Variants in MYT1L observed in about 807,000 individuals in gnomAD.
MYT1L encodes the protein myelin transcription factor 1-like protein.
Under a neutral mutation model 126.7 loss-of-function variants are expected in MYT1L, and 12 were observed. The ratio of observed to expected loss-of-function variants is 0.09; its 90% CI spans 0.06 to 0.15. The LOEUF is 0.15. Among genes scored for constraint, MYT1L ranks in the 10% least tolerant of loss-of-function variants. MYT1L has a pLI of 1.00. For synonymous variants in MYT1L, 541 were observed against 604.2 expected (o/e 0.90, Z 1.53); for missense variants, 979 against 1,585.2 (o/e 0.62, Z 6.49).
intron 2 of MYT1L, among the ~76,000 whole-genome samples, chr2:2,190,720 A>G (rs1407073396): frequency 6.6e-6 from 1 of 152,224 alleles, no homozygotes; most frequent in Non-Finnish European, 1.5e-5. Context: ...CATACTCAGA[A>G]TAGGTGATTG....
chr2:1,915,554 TAAAG>T (rs899682241), intron 11 of MYT1L, among the ~76,000 whole-genome samples: 2 of 152,216 alleles, frequency 1.3e-5, no homozygotes, highest in Non-Finnish European at 2.9e-5. Flanking sequence ...ATAAAACACA[TAAAG>T]AAACTCTTTC....
chr2:2,065,256 T>C (rs1380210051), intron 3 of MYT1L, among the ~76,000 whole-genome samples: 1 of 152,144 alleles, frequency 6.6e-6, no homozygotes, highest in Non-Finnish European at 1.5e-5. Flanking sequence ...CACATTATAG[T>C]AGTATAGTTA....
At chr2:2,304,719 T>C (rs577182670) in intron 1 of MYT1L, among the ~76,000 whole-genome samples, 2 of 152,336 alleles carry the variant, frequency 1.3e-5, no homozygotes, top group Admixed American at 1.3e-4. Flanking sequence ...AGAAAAACTT[T>C]ACAAAAACAG....
intron 2 of MYT1L, among the ~76,000 whole-genome samples, chr2:2,191,944 C>T (rs927693810): frequency 6.6e-6 from 1 of 152,210 alleles, no homozygotes; most frequent in African/African-American, 2.4e-5. Flanking sequence ...GTAGCAGACC[C>T]TACGTTATCC....
intron 9 of MYT1L, among the ~76,000 whole-genome samples, chr2:1,934,252 C>A (rs892243562): frequency 6.8e-6 from 1 of 146,510 alleles, no homozygotes; most frequent in Non-Finnish European, 1.5e-5. Flanking sequence ...GGATTACAGG[C>A]GTGGGCCACA....
In MYT1L at chr2:1,892,061, C is replaced by T. The variant is rs1446619441; in HGVS notation, c.2259G>A (p.Lys753=). ...CCCGCGTGGCGCACAGGTCCTGCGG[C>T]TTGGTGCTCAGGTTCTGCGGCATCT... The part of the protein sequence containing the change: ...CREMPQNLST[K]PQDLCATRNP... The change falls in exon 15 of 25, where the codon AAG becomes AAA. Residue 753 remains lysine (K), a synonymous_variant. Coordinates refer to ENST00000647738, the MANE Select transcript of MYT1L (RefSeq NM_001303052.2). The T allele has an allele frequency of 6.5e-7, 1 of 1,538,436 alleles. No individual in the cohort carries two copies. Among genetic ancestry groups the T allele is most frequent in the South Asian group, 1.2e-5 (1 of 83,962 alleles).
chr2:2,066,134 A>G (rs2071242721), intron 3 of MYT1L, among the ~76,000 whole-genome samples: 2 of 152,170 alleles, frequency 1.3e-5, no homozygotes, highest in African/African-American at 4.8e-5. Flanking sequence ...TTTAAATATC[A>G]AACACTTTTA....
chr2:2,237,433 G>C (rs140200812), intron 2 of MYT1L, among the ~76,000 whole-genome samples: 1 of 152,320 alleles, frequency 6.6e-6, no homozygotes, highest in Non-Finnish European at 1.5e-5. Flanking sequence ...CACTGTGCTG[G>C]TGGTTTGGAT....
At chr2:2,325,138 T>C (rs1035618014) in intron 1 of MYT1L, 10 of 152,346 alleles carry the variant, frequency 6.6e-5, no homozygotes, top group African/African-American at 2.4e-4. Flanking sequence ...GGTAAATTCA[T>C]GCTGTGGCCA....
At chr2:1,873,465 G>T (rs577715233) in intron 18 of MYT1L, among the ~76,000 whole-genome samples, 2 of 152,310 alleles carry the variant, frequency 1.3e-5, no homozygotes, top group African/African-American at 4.8e-5. Context: ...ACAAGTCACT[G>T]CCATGTTATT....
chr2:1,843,432 C>T (rs140811404), intron 19 of MYT1L, among the ~76,000 whole-genome samples: 1 of 152,166 alleles, frequency 6.6e-6, no homozygotes, highest in African/African-American at 2.4e-5. Context: ...CTACGGTATC[C>T]TACCCAGGGA....
At chr2:1,860,497 C>T (rs2044453181) in intron 18 of MYT1L, among the ~76,000 whole-genome samples, 1 of 152,226 alleles carries the variant, frequency 6.6e-6, no homozygotes, top group Non-Finnish European at 1.5e-5. Context: ...GGCTGGGATG[C>T]TGGGGCCTGG....
chr2:2,193,961 T>C (rs181872805), intron 2 of MYT1L, among the ~76,000 whole-genome samples: 67 of 148,864 alleles, frequency 4.5e-4, no homozygotes, highest in Admixed American at 4.0e-3. Context: ...TAATAAAAAT[T>C]ATGTTTTTGT....
intron 13 of MYT1L, among the ~76,000 whole-genome samples, chr2:1,908,654 G>T (rs941692080): frequency 6.6e-6 from 1 of 152,214 alleles, no homozygotes; most frequent in Non-Finnish European, 1.5e-5. Flanking sequence ...GCAGCCCCGC[G>T]GGTTGGTCTG....
intron 18 of MYT1L, among the ~76,000 whole-genome samples, chr2:1,861,940 TGG>T (rs2044713162): frequency 6.6e-6 from 1 of 152,114 alleles, no homozygotes; most frequent in Non-Finnish European, 1.5e-5. Flanking sequence ...TGTGTAATCC[TGG>T]ATCTGCCTGC....
intron 2 of MYT1L, among the ~76,000 whole-genome samples, chr2:2,181,095 CCTGTGTGT>C (rs2091448618): frequency 6.7e-6 from 1 of 149,718 alleles, no homozygotes; most frequent in African/African-American, 2.5e-5. Flanking sequence ...TACCTGTGTA[CCTGTGTGT>C]GAACATGTAT....
intron 4 of MYT1L, among the ~76,000 whole-genome samples, chr2:2,017,683 T>G (rs916789789): frequency 4.6e-5 from 7 of 152,214 alleles, no homozygotes; most frequent in African/African-American, 1.7e-4. Flanking sequence ...GTTGCAAAAT[T>G]ATAAGTATAA....
intron 21 of MYT1L, among the ~76,000 whole-genome samples, chr2:1,817,477 G>C (rs1021304481): frequency 6.6e-6 from 1 of 152,238 alleles, no homozygotes; most frequent in African/African-American, 2.4e-5. Flanking sequence ...GTTATTTAAG[G>C]AGCAGGAGCC....
intron 2 of MYT1L, among the ~76,000 whole-genome samples, chr2:2,211,759 C>T (rs1298209458): frequency 4.1e-5 from 6 of 147,558 alleles, no homozygotes; most frequent in Admixed American, 6.8e-5. Flanking sequence ...GAGCCAAAAT[C>T]GCACCATTGC....
Sources: allele counts gnomAD v4.1 joint callset (sites outside exome capture counted in the v4.1 genomes callset), GRCh38; gene constraint gnomAD v4.1.1; transcripts MANE v1.5; gene names NCBI Gene and HGNC (gene_info 2026-07-23, HGNC 2026-07-21).